ABR: variants seen among roughly 807,000 people sequenced by gnomAD.
The protein encoded by ABR is active breakpoint cluster region-related protein.
ABR carries 35 observed loss-of-function variants against 107.2 expected under a neutral mutation model. The observed-to-expected ratio is 0.33, with a 90% CI of 0.25 to 0.43. ABR has a LOEUF of 0.43. Ranked by LOEUF, ABR falls within the 20% of genes least tolerant of loss-of-function variation. The pLI is 1.00. For missense variants in ABR, 815 were observed against 1,115.2 expected (o/e 0.73, Z 3.83); for synonymous variants, 498 against 462.0 (o/e 1.08, Z -1.00).
chr17:1,223,609 C>T (rs1340458026), intron 1 of ABR, among the ~76,000 whole-genome samples: 2 of 152,050 alleles, frequency 1.3e-5, no homozygotes, highest in East Asian at 1.9e-4. Context: ...TGTATTTGTC[C>T]GTGTTCACAC....
At chr17:1,209,549 T>C (rs1356786176) in intron 1 of ABR, among the ~76,000 whole-genome samples, 1 of 152,008 alleles carries the variant, frequency 6.6e-6, no homozygotes, top group African/African-American at 2.4e-5. Context: ...TGAGCCACCA[T>C]GCTCAGCCAA....
At chr17:1,196,170 C>T (rs930548500) in intron 1 of ABR, among the ~76,000 whole-genome samples, 2 of 149,016 alleles carry the variant, frequency 1.3e-5, no homozygotes, top group African/African-American at 2.5e-5. Flanking sequence ...TGGCTCACGC[C>T]TATAATCCCG....
chr17:1,136,611 G>C lies in ABR; in HGVS notation c.62-11244C>G, dbSNP rs1031182671. ...ACAACTGGCCGCAGCTTCTCCATCC[G>C]TACTTGCTGCTTCACTTTGCCTTTT... On this transcript the variant is annotated intron_variant, in intron 1 of 22. Transcript: ENST00000302538. Among the ~76,000 whole-genome samples the C allele has an allele frequency of 5.3e-5, 8 of 152,116 alleles. No individual in the cohort carries two copies. The East Asian group carries it at 1.3e-3, about 26-fold the overall frequency.
At chr17:1,012,145 C>T (rs2150733064) in intron 18 of ABR, 160 bp from the exon 19 acceptor site, 1 of 1,183,488 alleles carries the variant, frequency 8.4e-7, no homozygotes, top group East Asian at 2.5e-5. Context: ...CACCGCACCC[C>T]ACCCCAGCCA....
upstream of ABR, chr17:1,184,814 C>A (rs1448017702): frequency 6.6e-6 from 1 of 152,168 alleles, no homozygotes; most frequent in African/African-American, 2.4e-5. Flanking sequence ...TAGATGTGAG[C>A]CACCGTGCCT....
intron 10 of ABR, among the ~76,000 whole-genome samples, chr17:1,065,889 G>C (rs2034683959): frequency 6.6e-6 from 1 of 152,024 alleles, no homozygotes; most frequent in South Asian, 2.1e-4. Context: ...GGGATTACAG[G>C]CGGAAGCCAC....
Position 1,125,197 on chromosome 17 carries a change from C to T in ABR, c.232G>A (p.Gly78Arg), listed in dbSNP as rs1199034139. Residue 78 changes from glycine to arginine, a missense_variant, in exon 2 of 23, where the codon GGA becomes AGA. This residue lies in a region of ABR where 129 missense variants were observed against 124.8 expected (regional missense o/e 1.03). Coordinates refer to ENST00000302538, the MANE Select transcript of ABR (RefSeq NM_021962.5). Reference protein sequence around the residue: ...GDGVSPTPPEGLAPGVEAGKG... With the variant: ...GDGVSPTPPERLAPGVEAGKG... ...GGTGTACCTACCCCAGGAGCCAGTC[C>T]CTCAGGTGGAGTCGGGGAGACGCCA... The T allele has an allele frequency of 1.3e-6, 2 of 1,589,616 alleles. No homozygotes were observed. Among genetic ancestry groups the T allele is most frequent in the Admixed American group, 1.8e-5 (1 of 56,878 alleles).
rs767880707 is a variant in ABR at position 1,108,896 on chromosome 17, C to A, written c.247-8161G>T. ...CCGCGCACCTTCGGCAGCGCCGGCC[C>A]GGCCCCCCCCAGCGCCCAGGGCGTG... On this transcript the variant is annotated intron_variant, in intron 2 of 22. Coordinates refer to ENST00000302538, the MANE Select transcript of ABR (RefSeq NM_021962.5). 50 of 1,548,702 alleles carry A rather than the reference C, an allele frequency of 3.2e-5. No homozygotes were observed. The East Asian group carries it at 1.3e-3, about 40-fold the overall frequency.
Position 1,050,288 on chromosome 17 carries a change from C to T in ABR, c.1660-107G>A. The T allele has an allele frequency of 1.4e-6, 2 of 1,384,184 alleles. No homozygotes were observed. Among genetic ancestry groups the T allele is most frequent in the South Asian group, 2.7e-5 (2 of 73,364 alleles). The allele number at this position is 1,384,184 out of a possible 1,614,324, so 85.7% of individuals were successfully genotyped here. On this transcript the variant is annotated intron_variant, in intron 15 of 22. Transcript: ENST00000302538. This position sits in a 1 kb window ranked among gnomAD's most constrained non-coding sequence, Gnocchi z 4.6. Reference sequence around the variant, plus strand: ...CAAGGAGGAGGGAGTAAGCACGGCCCACGAAGGACACGTCAGATTTTCTGG... The same window carrying T: ...CAAGGAGGAGGGAGTAAGCACGGCCTACGAAGGACACGTCAGATTTTCTGG...
chr17:1,216,458 G>A (rs138570610), intron 1 of ABR, among the ~76,000 whole-genome samples: 3 of 152,336 alleles, frequency 2.0e-5, no homozygotes, highest in Admixed American at 6.5e-5. Flanking sequence ...AAAGGGGCCA[G>A]AGGAAAGCTG....
intron 1 of ABR, among the ~76,000 whole-genome samples, chr17:1,171,556 C>A (rs2041711188): frequency 6.6e-6 from 1 of 152,196 alleles, no homozygotes; most frequent in African/African-American, 2.4e-5. Context: ...TAGCCTTAGG[C>A]AAGATGCCCA....
intron 3 of ABR, among the ~76,000 whole-genome samples, chr17:1,098,221 C>T (rs1453987858): frequency 1.3e-5 from 2 of 152,034 alleles, no homozygotes; most frequent in African/African-American, 2.4e-5. Context: ...TACAGGTGCT[C>T]GCCACCACGC....
chr17:1,225,160 AAAAG>A lies in ABR; in HGVS notation c.838+3629_838+3632del, dbSNP rs1234299199. On this transcript the variant is annotated intron_variant, in intron 1 of 22. Coordinates refer to the ABR transcript ENST00000574139. ...TGAGACTCCATCTCAAAAAAAAAAA[AAAAG>A]AAAAGAAAAGAAAGAAAGAAATGGG... is the stretch of plus-strand genomic sequence containing the variant. 5.8e-4 allele frequency among the ~76,000 whole-genome samples: 81 copies of A among 140,604 alleles called. 1 individual carries two copies. Among genetic ancestry groups the A allele is most frequent in the African/African-American group, 2.3e-3 (78 of 34,134 alleles). The allele number at this position is 140,604 out of a possible 152,430, so 92.2% of individuals were successfully genotyped here. A position where few individuals can be genotyped will look rare whatever the true frequency, so the allele number is the denominator to read the frequency against.
chr17:1,017,898 C>T (rs371549078), intron 16 of ABR, among the ~76,000 whole-genome samples: 2 of 150,212 alleles, frequency 1.3e-5, no homozygotes, highest in East Asian at 4.0e-4. Context: ...CCACCGCACT[C>T]GGCCTGTATT....
intron 2 of ABR, chr17:1,109,118 G>A: frequency 5.7e-6 from 9 of 1,570,442 alleles, no homozygotes; most frequent in Non-Finnish European, 7.8e-6. Flanking sequence ...CCACGCAGCG[G>A]CGGCGGGAGG....
rs1022142740 is a variant in ABR at position 1,027,413 on chromosome 17, C to G, written c.1792-14249G>C. 1.5e-4 allele frequency among the ~76,000 whole-genome samples: 23 copies of G among 152,336 alleles called. No homozygotes were observed. Among genetic ancestry groups the G allele is most frequent in the Non-Finnish European group, 2.6e-4 (18 of 68,030 alleles). ...CGCACACAGTGTGTGCATGGGGTGGCTCTGTGTCTGAGTGGCCTCCAGAAC... is the reference window on the plus strand; with the variant it reads ...CGCACACAGTGTGTGCATGGGGTGGGTCTGTGTCTGAGTGGCCTCCAGAAC... On this transcript the variant is annotated intron_variant, in intron 16 of 22. Coordinates refer to ENST00000302538, the MANE Select transcript of ABR (RefSeq NM_021962.5). This position sits in a 1 kb window ranked among gnomAD's most constrained non-coding sequence, Gnocchi z 4.7.
Position 1,192,769 on chromosome 17 carries a change from C to T in ABR, c.838+36024G>A, listed in dbSNP as rs139595576. Among the ~76,000 whole-genome samples, 962 of 152,210 alleles carry T rather than the reference C, an allele frequency of 6.3e-3. 21 individuals carry two copies. Among genetic ancestry groups the T allele is most frequent in the Non-Finnish European group, 5.1e-3 (347 of 68,004 alleles). ...CTCTACTAAAAATACAAAAAAATAG[C>T]TGGGCGTGGTGGAAGGCACCTATAA... On this transcript the variant is annotated intron_variant, in intron 1 of 22. Transcript: ENST00000574139.
intron 16 of ABR, 159 bp from the exon 17 acceptor site, chr17:1,013,323 G>A (rs1429809604): frequency 1.3e-6 from 1 of 760,614 alleles, no homozygotes; most frequent in Non-Finnish European, 2.1e-6. Flanking sequence ...ACCCTTTGGG[G>A]GGACCCTAGC....
At chr17:1,129,623 A>G (rs2039741272) in intron 1 of ABR, among the ~76,000 whole-genome samples, 1 of 152,134 alleles carries the variant, frequency 6.6e-6, no homozygotes, top group Non-Finnish European at 1.5e-5. Context: ...AGTGAAGTGT[A>G]CAACTCTCTG....
Sources: gnomAD v4.1 joint callset for allele counts (sites outside exome capture counted in the v4.1 genomes callset) on GRCh38, gnomAD v4.1.1 for gene constraint, gnomAD v4.1.1 regional missense constraint, Gnocchi (gnomAD v3.1) non-coding constraint, MANE v1.5 for transcripts, NCBI Gene and HGNC (gene_info 2026-07-23, HGNC 2026-07-21) for gene names.